SORCS1: variants seen among roughly 807,000 people sequenced by gnomAD.
SORCS1 encodes the protein sortilin related VPS10 domain containing receptor 1, also known as VPS10 domain-containing receptor SorCS1.
In SORCS1, 60 loss-of-function variants were observed where a neutral mutation model predicts 146.1. The observed-to-expected ratio is 0.41, with a 90% confidence interval of 0.33 to 0.51. SORCS1 has a LOEUF of 0.51. Ranked by LOEUF, SORCS1 falls within the 20% of genes least tolerant of loss-of-function variation. The pLI, the probability that SORCS1 is intolerant of heterozygous loss-of-function variation, is 0.21. For synonymous variants in SORCS1, 637 were observed against 584.0 expected (o/e 1.09, Z -1.31); for missense variants, 1,352 against 1,487.6 (o/e 0.91, Z 1.50).
rs528845142 is a variant in SORCS1, at chr10:107,130,608, C to A, written c.558+33361G>T. 5.3e-5 allele frequency among the ~76,000 whole-genome samples: 8 copies of A among 152,230 alleles called. No homozygotes were observed. In the East Asian group the frequency reaches 1.5e-3, roughly 29 times the overall value. On this transcript the variant is annotated intron_variant, in intron 1 of 25. Coordinates refer to ENST00000263054, the MANE Select transcript of SORCS1 (RefSeq NM_052918.5). The stretch of plus-strand genomic sequence containing the variant: ...AGCAGACAGGCAATGGATGGGAGCA[C>A]AAAAATGTAAAGTCTTTCGACTTAG...
intron 5 of SORCS1, among the ~76,000 whole-genome samples, chr10:106,741,173 T>C (rs1230565185): frequency 6.6e-6 from 1 of 152,124 alleles, no homozygotes; most frequent in Non-Finnish European, 1.5e-5. Context: ...TCAGAGTGTA[T>C]CAAGGTTGGA....
At chr10:107,175,767 C>T in the SORCS1 span, among the ~76,000 whole-genome samples, 57 of 152,208 alleles carry the variant, frequency 3.7e-4, no homozygotes, top group African/African-American at 1.3e-3. Flanking sequence ...TGTTTTGGTA[C>T]ATTGTGTTTT....
At chr10:107,074,353 T>C (rs1962703872) in intron 1 of SORCS1, among the ~76,000 whole-genome samples, 1 of 152,284 alleles carries the variant, frequency 6.6e-6, no homozygotes, top group African/African-American at 2.4e-5. Context: ...GTTTACTCCA[T>C]GTCTCTTCAT....
intron 1 of SORCS1, among the ~76,000 whole-genome samples, chr10:106,998,701 C>T (rs1028812905): frequency 1.6e-4 from 25 of 152,192 alleles, no homozygotes; most frequent in African/African-American, 4.6e-4. Context: ...TTCATTAGCA[C>T]GAAATGTTTC....
intron 2 of SORCS1, among the ~76,000 whole-genome samples, chr10:106,928,183 C>G (rs555922286): frequency 2.6e-5 from 4 of 152,198 alleles, no homozygotes; most frequent in African/African-American, 9.6e-5. Flanking sequence ...AGGCTCGGGC[C>G]GCACAGGAGC....
intron 1 of SORCS1, among the ~76,000 whole-genome samples, chr10:106,964,832 T>C (rs1440318095): frequency 1.3e-5 from 2 of 151,554 alleles, no homozygotes; most frequent in Non-Finnish European, 2.9e-5. Context: ...TAGGCTGGAC[T>C]CTAACTCCTG....
At chr10:106,799,492 G>T (rs993541873) in intron 3 of SORCS1, among the ~76,000 whole-genome samples, 9 of 152,110 alleles carry the variant, frequency 5.9e-5, no homozygotes, top group Non-Finnish European at 1.2e-4. Flanking sequence ...CTGACAGAGG[G>T]CTAATATCCA....
intron 1 of SORCS1, among the ~76,000 whole-genome samples, chr10:107,086,446 T>C (rs922760093): frequency 1.3e-5 from 2 of 152,208 alleles, no homozygotes; most frequent in South Asian, 2.1e-4. Flanking sequence ...ATATTGCTTA[T>C]ATTTCAAATA....
intron 3 of SORCS1, among the ~76,000 whole-genome samples, chr10:106,817,832 AATG>A (rs1321911387): frequency 6.6e-6 from 1 of 152,100 alleles, no homozygotes; most frequent in African/African-American, 2.4e-5. Flanking sequence ...GGTTCAACTA[AATG>A]ATATTTTTCT....
intron 1 of SORCS1, among the ~76,000 whole-genome samples, chr10:106,992,116 A>G (rs1282052895): frequency 6.6e-6 from 1 of 152,244 alleles, no homozygotes; most frequent in East Asian, 1.9e-4. Context: ...ACAGGATCAC[A>G]ATGGACAGGC....
rs116264289 is a variant in SORCS1, at chr10:107,115,777, A to G, written c.558+48192T>C. 6.4e-3 allele frequency among the ~76,000 whole-genome samples: 971 copies of G among 152,176 alleles called. 17 individuals carry two copies. Among genetic ancestry groups the G allele is most frequent in the African/African-American group, 0.022 (894 of 41,548 alleles). ...GTACATAAAACCAAAAAGCTTCTGC[A>G]CAACAAAGAAAATAACCTACCTAGT... On this transcript the variant is annotated intron_variant, in intron 1 of 25. Transcript: ENST00000263054.
chr10:106,710,432 GA>G (rs33978828), intron 6 of SORCS1, among the ~76,000 whole-genome samples: 105 of 126,802 alleles, frequency 8.3e-4, no homozygotes, highest in African/African-American at 2.0e-3. Flanking sequence ...TGGGTGACAG[GA>G]AAAAAAAAAA....
chr10:106,618,786 T>G (rs1230365113), intron 20 of SORCS1, among the ~76,000 whole-genome samples: 1 of 152,140 alleles, frequency 6.6e-6, no homozygotes, highest in Non-Finnish European at 1.5e-5. Context: ...GCAGTGGCCT[T>G]GTGTGCTGGC....
At chr10:107,121,475 C>G (rs1003340120) in intron 1 of SORCS1, among the ~76,000 whole-genome samples, 1 of 152,138 alleles carries the variant, frequency 6.6e-6, no homozygotes, top group Non-Finnish European at 1.5e-5. Context: ...CCCTTCTAAG[C>G]TTTTAAGTTG....
intron 3 of SORCS1, among the ~76,000 whole-genome samples, chr10:106,791,855 G>T (rs1946336420): frequency 6.6e-6 from 1 of 152,148 alleles, no homozygotes; most frequent in Non-Finnish European, 1.5e-5. Flanking sequence ...TGGAGAAAAA[G>T]ATGTATTTTA....
intron 17 of SORCS1, among the ~76,000 whole-genome samples, chr10:106,656,583 T>A (rs1036155090): frequency 7.9e-5 from 12 of 151,728 alleles, no homozygotes; most frequent in African/African-American, 2.2e-4. Context: ...GAAGGCAATA[T>A]TTTTCTTTGT....
chr10:107,179,994 G>T, the SORCS1 span, among the ~76,000 whole-genome samples: 1 of 124,752 alleles, frequency 8.0e-6, no homozygotes, highest in East Asian at 2.8e-4. Context: ...ACACCTCACT[G>T]AAGCCTCAAC....
At chr10:107,013,194 T>G (rs1957757168) in intron 1 of SORCS1, among the ~76,000 whole-genome samples, 1 of 152,078 alleles carries the variant, frequency 6.6e-6, no homozygotes, top group African/African-American at 2.4e-5. Context: ...TTCACAAAAC[T>G]AAAATTCACC....
chr10:106,936,560 A>G (rs1953730001), intron 2 of SORCS1, among the ~76,000 whole-genome samples: 1 of 152,210 alleles, frequency 6.6e-6, no homozygotes, highest in Non-Finnish European at 1.5e-5. Context: ...GGAGCTTCAA[A>G]TATCTTCTTC....
Sources: allele counts gnomAD v4.1 joint callset (sites outside exome capture counted in the v4.1 genomes callset), GRCh38; gene constraint gnomAD v4.1.1; transcripts MANE v1.5; gene names NCBI Gene and HGNC (gene_info 2026-07-23, HGNC 2026-07-21).